Variants in EGR4 observed in about 807,000 individuals in gnomAD.
EGR4 encodes early growth response protein 4.
EGR4 carries 22 observed loss-of-function variants against 25.4 expected under a neutral mutation model. The observed-to-expected ratio is 0.87, with a 90% CI of 0.62 to 1.24. The LOEUF is 1.24. EGR4 is among the 50% of genes most tolerant of loss of function. The pLI is 0.00. For synonymous variants in EGR4, 375 were observed against 320.1 expected, an observed-to-expected ratio of 1.17 and a Z score of -1.83; for missense variants, 742 against 702.9, an observed-to-expected ratio of 1.06 and a Z score of -0.63.
Position 73,292,297 on chromosome 2 carries a change from G to C in EGR4, c.621C>G (p.Pro207=). 6.2e-7 allele frequency: 1 copy of C among 1,607,742 alleles called. No individual in the cohort carries two copies. The highest frequency in any genetic ancestry group is 8.5e-7 in the Non-Finnish European group (1 of 1,176,184). The change falls in exon 2 of 2, where the codon CCC becomes CCG. Residue 207 remains proline (P), a synonymous_variant. Transcript: ENST00000436467. ...AVSAFKGPYA[P]WELLSVGAPG... ...GGGCCCCCACAGAAAGCAGCTCCCA[G>C]GGCGCGTAGGGACCCTTGAAGGCAG...
Position 73,291,680 on chromosome 2 carries a change from C to A in EGR4, c.1238G>T (p.Arg413Leu), listed in dbSNP as rs761171365. ...IHTGHKPFQC[R>L]ICLRNFSRSD... is the part of the protein sequence containing the mutation. ...GCGGCTGAAGTTGCGGAGGCAGATG[C>A]GGCACTGGAAGGGTTTGTGGCCCGT... Residue 413 changes from arginine (R) to leucine (L), a missense_variant, in exon 2 of 2, where the codon CGC (arginine) becomes CTC (leucine). Coordinates refer to ENST00000436467, the MANE Select transcript of EGR4 (RefSeq NM_001965.4). 2 of 1,610,240 alleles carry A rather than the reference C, an allele frequency of 1.2e-6. No homozygotes were observed. The highest frequency in any genetic ancestry group is 1.3e-5 in the African/African-American group (1 of 75,018).
chr2:73,291,924 T>C lies in EGR4; in HGVS notation c.994A>G (p.Ile332Val). The C allele has an allele frequency of 1.3e-6, 2 of 1,579,456 alleles. No individual in the cohort carries two copies. The highest frequency in any genetic ancestry group is 8.6e-7 in the Non-Finnish European group (1 of 1,163,864). The change falls in exon 2 of 2, where the codon ATC becomes GTC. Residue 332 changes from isoleucine to valine, a missense_variant. By Grantham distance (29) the Ile-to-Val change is conservative (BLOSUM62 3). Transcript: ENST00000436467. ...GCAGCCACGCCACTGCTTCCAGGGA[T>C]GTCCGCCACCAGAGGTTTAGGGAAG... ...ADFPKPLVADIPGSSGVAAPP... is the reference protein window; with the variant it reads ...ADFPKPLVADVPGSSGVAAPP...
At position 73,292,362 on chromosome 2, in the gene EGR4, G is replaced by T. The variant is rs757251398; in HGVS notation, c.556C>A (p.Leu186Ile). Residue 186 changes from leucine to isoleucine, a missense_variant, in exon 2 of 2, where the codon CTC (leucine) becomes ATC (isoleucine). Physicochemically the swap from Leu to Ile is conservative, Grantham distance 5. Transcript: ENST00000436467. Reference protein sequence around the residue: ...QLSPPDVKPGLRAPPASPALD... With the variant: ...QLSPPDVKPGIRAPPASPALD... ...GCTGGCGAGGCGGGAGGCGCCCGGA[G>T]GCCGGGCTTGACGTCGGGCGGGGAG... is the stretch of plus-strand genomic sequence containing the variant. 4 of 1,556,270 alleles carry T rather than the reference G, an allele frequency of 2.6e-6. No individual in the cohort carries two copies.
In EGR4 at chr2:73,292,128, C is replaced by A. The variant is rs775454359; in HGVS notation, c.790G>T (p.Gly264Trp). The A allele has an allele frequency of 8.1e-6, 13 of 1,598,106 alleles. No individual in the cohort carries two copies. Among genetic ancestry groups the A allele is most frequent in the Non-Finnish European group, 1.1e-5 (13 of 1,172,460 alleles). ...AVPANRLYPS[G>W]AYDAFPLAPG... ...GCCAGCGGGAAAGCGTCATAGGCCC[C>A]GCTGGGATAGAGTCTGTTGGCTGGG... Residue 264 changes from glycine to tryptophan, a missense_variant, in exon 2 of 2, where the codon GGG becomes TGG. Physicochemically the swap from Gly to Trp is radical, Grantham distance 184 (BLOSUM62 -2). Coordinates refer to ENST00000436467, the MANE Select transcript of EGR4 (RefSeq NM_001965.4).
chr2:73,293,134 C>T lies in EGR4; in HGVS notation c.136+48G>A, dbSNP rs1379982855. On this transcript the variant is annotated intron_variant, in intron 1 of 1. Transcript: ENST00000436467. ...TCCTGGTTCTCAGGTATGGTGCGCCCCCGCGCTGCGCCGTCGTCGTCTGAG... is the reference window on the plus strand; with the variant it reads ...TCCTGGTTCTCAGGTATGGTGCGCCTCCGCGCTGCGCCGTCGTCGTCTGAG... The T allele has an allele frequency of 1.4e-5, 19 of 1,402,548 alleles. No homozygotes were observed. The East Asian group carries it at 4.9e-4, about 36-fold the overall frequency. The allele number at this position is 1,402,548 out of a possible 1,614,324, so 86.9% of individuals were successfully genotyped here.
Position 73,291,554 on chromosome 2 carries a change from C to A in EGR4, c.1364G>T (p.Arg455Leu). Reference protein sequence around the residue: ...RRFARSDEKKRHSKVHLKQKA... With the variant: ...RRFARSDEKKLHSKVHLKQKA... The stretch of plus-strand genomic sequence containing the variant: ...CTGCTTGAGGTGCACCTTGCTGTGC[C>A]GTTTCTTCTCATCGCTGCGCGCGAA... Residue 455 changes from arginine (R) to leucine (L), a missense_variant, in exon 2 of 2, where the codon CGG (arginine) becomes CTG (leucine). Arg to Leu is a moderately radical substitution (Grantham distance 102). Coordinates refer to ENST00000436467, the MANE Select transcript of EGR4 (RefSeq NM_001965.4). 1.9e-6 allele frequency: 3 copies of A among 1,613,484 alleles called. No homozygotes were observed. Among genetic ancestry groups the A allele is most frequent in the African/African-American group, 1.3e-5 (1 of 75,036 alleles).
chr2:73,293,231 C>CTA lies in EGR4; in HGVS notation c.86_87insTA (p.Leu29PhefsTer23), dbSNP rs756320734. Reference sequence around the variant, plus strand: ...GAGCGTCCCTGGCAGGCAGCCGGGGCAATTCAGCGCTGGGTTCGGCGCAAC... The same window carrying CTA: ...GAGCGTCCCTGGCAGGCAGCCGGGGCTAAATTCAGCGCTGGGTTCGGCGCAAC... On this transcript the variant is annotated frameshift_variant, in exon 1 of 2. Transcript: ENST00000436467. LOFTEE classifies it high-confidence loss of function. 1.3e-6 allele frequency: 2 copies of CTA among 1,569,618 alleles called. No homozygotes were observed. Among genetic ancestry groups the CTA allele is most frequent in the African/African-American group, 2.7e-5 (2 of 73,194 alleles).
At position 73,291,245 on chromosome 2, in the gene EGR4, A is replaced by T. The variant is rs1689088503; in HGVS notation, c.*212T>A. Reference sequence around the variant, plus strand: ...GAAGACTTCCCCCAAAGCGCGGCTGACAAGGGTGACAGCGCCTGGACCGCG... The same window carrying T: ...GAAGACTTCCCCCAAAGCGCGGCTGTCAAGGGTGACAGCGCCTGGACCGCG... On this transcript the variant is annotated 3_prime_UTR_variant, in exon 2 of 2. Transcript: ENST00000436467. The T allele has an allele frequency of 1.5e-6, 1 of 648,050 alleles. No homozygotes were observed. The highest frequency in any genetic ancestry group is 1.8e-5 in the African/African-American group (1 of 54,196). 40.1% of individuals were successfully genotyped at this position (648,050 alleles called of 1,614,324 possible).
Position 73,291,119 on chromosome 2 carries a change from C to T in EGR4, c.*338G>A, listed in dbSNP as rs1460273555. ...GCGCGAGACCGCCTTGGCGCTGCCCCAGCCTGTCTCTGGGGGTTATAGAGG... is the reference window on the plus strand; with the variant it reads ...GCGCGAGACCGCCTTGGCGCTGCCCTAGCCTGTCTCTGGGGGTTATAGAGG... On this transcript the variant is annotated 3_prime_UTR_variant, in exon 2 of 2. Coordinates refer to ENST00000436467, the MANE Select transcript of EGR4 (RefSeq NM_001965.4). 1 of 332,418 alleles carries T rather than the reference C, an allele frequency of 3.0e-6. No homozygotes were observed. Among genetic ancestry groups the T allele is most frequent in the Non-Finnish European group, 5.5e-6 (1 of 182,526 alleles). 20.6% of individuals were successfully genotyped at this position (332,418 alleles called of 1,614,324 possible). A position where few individuals can be genotyped will look rare whatever the true frequency, so the allele number is the denominator to read the frequency against.
chr2:73,290,937 T>G lies in EGR4; in HGVS notation c.*520A>C, dbSNP rs1689082553. On this transcript the variant is annotated 3_prime_UTR_variant, in exon 2 of 2. Transcript: ENST00000436467. ...TTACATGGCAGATTCAGTAAGCTTT[T>G]AGCACAATAATTTTAATTGCAAAAA... The G allele has an allele frequency of 6.5e-6, 1 of 153,796 alleles. No individual in the cohort carries two copies. The highest frequency in any genetic ancestry group is 2.4e-5 in the African/African-American group (1 of 41,484). The allele number at this position is 153,796 out of a possible 1,614,324, so 9.5% of individuals were successfully genotyped here. A position where few individuals can be genotyped will look rare whatever the true frequency, so the allele number is the denominator to read the frequency against.
rs1307497782 is a variant in EGR4, at chr2:73,292,015, T to C, written c.903A>G (p.Gly301=). ...GAGGCTGCGTACTGGCCAGAAACTC[T>C]CCGCCGTCGCCGCTACTCCCTCCCT... ...SGEGGSSGDG[G]EFLASTQPQL... The change falls in exon 2 of 2, where the codon GGA becomes GGG. Residue 301 remains glycine, a synonymous_variant. Transcript: ENST00000436467. 6.2e-7 allele frequency: 1 copy of C among 1,600,466 alleles called. No individual in the cohort carries two copies. Among genetic ancestry groups the C allele is most frequent in the Non-Finnish European group, 8.5e-7 (1 of 1,173,720 alleles).
Position 73,292,159 on chromosome 2 carries a change from C to T in EGR4, c.759G>A (p.Pro253=), listed in dbSNP as rs758919867. The change falls in exon 2 of 2, where the codon CCG becomes CCA. Residue 253 remains proline, a synonymous_variant. Coordinates refer to ENST00000436467, the MANE Select transcript of EGR4 (RefSeq NM_001965.4). ...GATAGAGTCTGTTGGCTGGGACGGC[C>T]GGCAGTTCCGCAGGGCAGCTGATGG... ...LLSISCPAEL[P]AVPANRLYPS... 2 of 1,587,064 alleles carry T rather than the reference C, an allele frequency of 1.3e-6. No homozygotes were observed. The highest frequency in any genetic ancestry group is 1.3e-5 in the African/African-American group (1 of 74,268).
In EGR4 at chr2:73,291,339, G is replaced by T; in HGVS notation, c.*118C>A. 1 of 1,419,516 alleles carries T rather than the reference G, an allele frequency of 7.0e-7. No individual in the cohort carries two copies. The highest frequency in any genetic ancestry group is 1.4e-5 in the South Asian group (1 of 70,174). 87.9% of individuals were successfully genotyped at this position (1,419,516 alleles called of 1,614,324 possible). A position where few individuals can be genotyped will look rare whatever the true frequency, so the allele number is the denominator to read the frequency against. On this transcript the variant is annotated 3_prime_UTR_variant, in exon 2 of 2. Transcript: ENST00000436467. Reference sequence around the variant, plus strand: ...GGCGCTTCAAGGAAACTGGAAGCGGGACCGGAGGCCGGCCCTCGGGCGTGC... The same window carrying T: ...GGCGCTTCAAGGAAACTGGAAGCGGTACCGGAGGCCGGCCCTCGGGCGTGC...
At position 73,292,565 on chromosome 2, in the gene EGR4, T is replaced by G; in HGVS notation, c.353A>C (p.Glu118Ala). ...ILGLAPFPGP[E>A]AAASRSPLDA... Reference sequence around the variant, plus strand: ...CAGCGGGGATCTGGACGCTGCTGCCTCTGGACCGGGGAAGGGTGCCAGGCC... The same window carrying G: ...CAGCGGGGATCTGGACGCTGCTGCCGCTGGACCGGGGAAGGGTGCCAGGCC... Residue 118 changes from glutamate (E) to alanine (A), a missense_variant, in exon 2 of 2, where the codon GAG becomes GCG. Physicochemically the swap from Glu to Ala is moderately radical, Grantham distance 107. Transcript: ENST00000436467. 1 of 1,507,734 alleles carries G rather than the reference T, an allele frequency of 6.6e-7. No individual in the cohort carries two copies. The highest frequency in any genetic ancestry group is 8.9e-7 in the Non-Finnish European group (1 of 1,129,080). The allele number at this position is 1,507,734 out of a possible 1,614,324, so 93.4% of individuals were successfully genotyped here.
At position 73,292,138 on chromosome 2, in the gene EGR4, G is replaced by A. The variant is rs760601805; in HGVS notation, c.780C>T (p.Leu260=). Residue 260 remains leucine, a synonymous_variant, in exon 2 of 2, where the codon CTC becomes CTT. Transcript: ENST00000436467. ...AELPAVPANR[L]YPSGAYDAFP... ...AAGCGTCATAGGCCCCGCTGGGATA[G>A]AGTCTGTTGGCTGGGACGGCCGGCA... The A allele has an allele frequency of 1.3e-6, 2 of 1,594,336 alleles. No homozygotes were observed. The highest frequency in any genetic ancestry group is 1.3e-5 in the African/African-American group (1 of 74,368).
In EGR4 at chr2:73,291,311, G is replaced by T; in HGVS notation, c.*146C>A. ...GCTGGTGCTGAATAGGGCGTGTGCG[G>T]CGGGCGCTTCAAGGAAACTGGAAGC... On this transcript the variant is annotated 3_prime_UTR_variant, in exon 2 of 2. Coordinates refer to ENST00000436467, the MANE Select transcript of EGR4 (RefSeq NM_001965.4). 8.8e-7 allele frequency: 1 copy of T among 1,138,546 alleles called. No homozygotes were observed. The highest frequency in any genetic ancestry group is 1.2e-6 in the Non-Finnish European group (1 of 818,854). The allele number at this position is 1,138,546 out of a possible 1,614,324, so 70.5% of individuals were successfully genotyped here. A position where few individuals can be genotyped will look rare whatever the true frequency, so the allele number is the denominator to read the frequency against.
In EGR4 at chr2:73,292,481, G is replaced by A. The variant is rs1200852147; in HGVS notation, c.437C>T (p.Ser146Phe). 6.6e-7 allele frequency: 1 copy of A among 1,518,136 alleles called. No individual in the cohort carries two copies. Among genetic ancestry groups the A allele is most frequent in the South Asian group, 1.3e-5 (1 of 74,774 alleles). The allele number at this position is 1,518,136 out of a possible 1,614,324, so 94.0% of individuals were successfully genotyped here. The change falls in exon 2 of 2, where the codon TCC (serine) becomes TTC (phenylalanine). Residue 146 changes from serine to phenylalanine, a missense_variant. Coordinates refer to ENST00000436467, the MANE Select transcript of EGR4 (RefSeq NM_001965.4). ...ALLPGPPDLYSPDLGAAPFPE... is the reference protein window; with the variant it reads ...ALLPGPPDLYFPDLGAAPFPE... ...GAAAGGGGCAGCGCCCAGATCCGGG[G>A]AGTAAAGGTCCGGCGGACCCGGCAG...
In EGR4 at chr2:73,291,883, C is replaced by A; in HGVS notation, c.1035G>T (p.Pro345=). Residue 345 remains proline (P), a synonymous_variant, in exon 2 of 2, where the codon CCG becomes CCT. Coordinates refer to ENST00000436467, the MANE Select transcript of EGR4 (RefSeq NM_001965.4). ...CCTGGGGGAAAGGGGTGGGCGGCGGCGGCGGCACGGGTGGTGCAGCCACGC... is the reference window on the plus strand; with the variant it reads ...CCTGGGGGAAAGGGGTGGGCGGCGGAGGCGGCACGGGTGGTGCAGCCACGC... ...SSGVAAPPVP[P]PPPTPFPQAK... is the part of the protein sequence containing the mutation. 3 of 1,571,864 alleles carry A rather than the reference C, an allele frequency of 1.9e-6. No individual in the cohort carries two copies. Among genetic ancestry groups the A allele is most frequent in the Non-Finnish European group, 2.6e-6 (3 of 1,162,552 alleles).
In EGR4 at chr2:73,291,383, G is replaced by A; in HGVS notation, c.*74C>T. 1 of 1,514,900 alleles carries A rather than the reference G, an allele frequency of 6.6e-7. No homozygotes were observed. Among genetic ancestry groups the A allele is most frequent in the Non-Finnish European group, 8.8e-7 (1 of 1,134,678 alleles). 93.8% of individuals were successfully genotyped at this position (1,514,900 alleles called of 1,614,324 possible). A position where few individuals can be genotyped will look rare whatever the true frequency, so the allele number is the denominator to read the frequency against. On this transcript the variant is annotated 3_prime_UTR_variant, in exon 2 of 2. Coordinates refer to ENST00000436467, the MANE Select transcript of EGR4 (RefSeq NM_001965.4). ...GGCGTGCGAGGAGGAGTTGGAAGAAGAGCGGGGAGGGGAACGGCCCGGAAC... is the reference window on the plus strand; with the variant it reads ...GGCGTGCGAGGAGGAGTTGGAAGAAAAGCGGGGAGGGGAACGGCCCGGAAC...
Sources: gnomAD v4.1 joint callset for allele counts on GRCh38, gnomAD v4.1.1 for gene constraint, MANE v1.5 for transcripts, NCBI Gene and HGNC (gene_info 2026-07-23, HGNC 2026-07-21) for gene names.